DHX34: variants seen among roughly 807,000 people sequenced by gnomAD.
DHX34 encodes the protein probable ATP-dependent RNA helicase DHX34.
Under a neutral mutation model 111.1 loss-of-function variants are expected in DHX34, and 96 were observed. The ratio of observed to expected loss-of-function variants is 0.86; its 90% CI spans 0.73 to 1.02. DHX34 has a LOEUF of 1.02. Ranked by LOEUF, DHX34 falls within the 50% of genes least tolerant of loss-of-function variation. The pLI is 0.00. For missense variants in DHX34, 1,560 were observed against 1,579.9 expected (o/e 0.99, Z 0.21); for synonymous variants, 688 against 670.4 (o/e 1.03, Z -0.41).
At position 47,381,184 on chromosome 19, in the gene DHX34, A is replaced by C. The variant is rs763142143; in HGVS notation, c.3160-2A>C. ...CCAGCCCTGACAGCTGGCCTGCCACAGAATGACACAGACCTGTACAGCGAC... is the reference window on the plus strand; with the variant it reads ...CCAGCCCTGACAGCTGGCCTGCCACCGAATGACACAGACCTGTACAGCGAC... On this transcript the variant is annotated splice_acceptor_variant, in intron 15 of 16. Coordinates refer to ENST00000328771, the MANE Select transcript of DHX34 (RefSeq NM_014681.6). LOFTEE classifies it high-confidence loss of function. The C allele has an allele frequency of 1.9e-6, 3 of 1,612,876 alleles. No homozygotes were observed. In the African/African-American group the frequency reaches 4.0e-5, roughly 22 times the overall value.
intron 6 of DHX34, among the ~76,000 whole-genome samples, chr19:47,363,927 A>G (rs1969711053): frequency 6.6e-6 from 1 of 152,076 alleles, no homozygotes; most frequent in Non-Finnish European, 1.5e-5. Context: ...TTTTAAAACC[A>G]GGGTTTCTCA....
rs368013550 is a variant in DHX34 at position 47,355,077 on chromosome 19, G to A, written c.744G>A (p.Ala248=). Residue 248 remains alanine, a synonymous_variant, in exon 3 of 17, where the codon GCG becomes GCA. Coordinates refer to ENST00000328771, the MANE Select transcript of DHX34 (RefSeq NM_014681.6). ...TCCGCTTTGAGAGCACACGTTCGGC[G>A]GCCACCAAGATTGTATTCCTGACAG... ...YQIRFESTRS[A]ATKIVFLTVG... is the part of the protein sequence containing the mutation. 8 of 1,613,444 alleles carry A rather than the reference G, an allele frequency of 5.0e-6. No individual in the cohort carries two copies. Among genetic ancestry groups the A allele is most frequent in the African/African-American group, 2.7e-5 (2 of 74,724 alleles).
At chr19:47,381,624 CTA>C in intron 16 of DHX34, 1 of 581,236 alleles carries the variant, frequency 1.7e-6, no homozygotes, top group Non-Finnish European at 3.0e-6. Context: ...TGTCCTGCAG[CTA>C]TCTCTGCCTT....
Position 47,376,095 on chromosome 19 carries a change from CAGG to C in DHX34, c.2480_2481+1del, listed in dbSNP as rs767317869. On this transcript the variant is annotated splice_donor_variant and coding_sequence_variant, in exon 11 of 17. Transcript: ENST00000328771. LOFTEE classifies it high-confidence loss of function. ...CAACAGCAGCCGAAAGGACTCAGAC[CAGG>C]TGGGGCCTGTTCTGCCCCATCCTAT... 6.4e-7 allele frequency: 1 copy of C among 1,554,754 alleles called. No individual in the cohort carries two copies. The highest frequency in any genetic ancestry group is 2.1e-5 in the Admixed American group (1 of 48,192).
Position 47,375,957 on chromosome 19 carries a change from C to T in DHX34, c.2341C>T (p.Gln781Ter). 6.2e-7 allele frequency: 1 copy of T among 1,601,690 alleles called. No individual in the cohort carries two copies. Among genetic ancestry groups the T allele is most frequent in the East Asian group, 2.2e-5 (1 of 44,668 alleles). Reference sequence around the variant, plus strand: ...GTTCAAGCTTCGGCATGACCTGGCGCAGCTGCAGGCCGCTGCCAGCTCAGC... The same window carrying T: ...GTTCAAGCTTCGGCATGACCTGGCGTAGCTGCAGGCCGCTGCCAGCTCAGC... ...VKFKLRHDLA[Q>*]LQAAASSAQD... is the part of the protein sequence containing the mutation. Residue 781 changes from glutamine (Q) to a stop codon, truncating the protein, a stop_gained, in exon 11 of 17, where the codon CAG becomes TAG. Transcript: ENST00000328771. LOFTEE classifies it high-confidence loss of function.
At chr19:47,377,696 C>G (rs1270329382) in intron 13 of DHX34, among the ~76,000 whole-genome samples, 1 of 151,806 alleles carries the variant, frequency 6.6e-6, no homozygotes, top group Non-Finnish European at 1.5e-5. Flanking sequence ...GGCGTGCAGT[C>G]AGCAAGGGAG....
Position 47,358,014 on chromosome 19 carries a change from C to T in DHX34, c.1166C>T (p.Ala389Val), listed in dbSNP as rs746094820. The change falls in exon 4 of 17, where the codon GCG becomes GTG. Residue 389 changes from alanine (A) to valine (V), a missense_variant. By Grantham distance (64) the Ala-to-Val change is moderately conservative. Transcript: ENST00000328771. Reference sequence around the variant, plus strand: ...CTCCTCGTCTTCCTCAGCGGCATGGCGGAGATCAGCGCCGTGCTGGAGGCT... The same window carrying T: ...CTCCTCGTCTTCCTCAGCGGCATGGTGGAGATCAGCGCCGTGCTGGAGGCT... ...GDLLVFLSGMAEISAVLEAAQ... is the reference protein window; with the variant it reads ...GDLLVFLSGMVEISAVLEAAQ... 1.5e-5 allele frequency: 25 copies of T among 1,613,538 alleles called. No individual in the cohort carries two copies. Among genetic ancestry groups the T allele is most frequent in the African/African-American group, 5.3e-5 (4 of 74,954 alleles).
chr19:47,378,015 A>G (rs891154232), intron 13 of DHX34, among the ~76,000 whole-genome samples: 4 of 152,098 alleles, frequency 2.6e-5, no homozygotes, highest in Non-Finnish European at 4.4e-5. Context: ...ACTGAAGCTC[A>G]GGCAGGGGCG....
chr19:47,355,574 C>T (rs1032229962), intron 3 of DHX34, among the ~76,000 whole-genome samples: 11 of 152,098 alleles, frequency 7.2e-5, no homozygotes. Context: ...AATGGCTGGG[C>T]GCCGTGGCTC....
In DHX34 at chr19:47,368,298, CTTTTTTTT is replaced by C. The variant is rs71180827; in HGVS notation, c.1768+1161_1768+1168del. ...AGTCTCATCATTCATTCATTAAATC[CTTTTTTTT>C]TTTTTTTTTTTTTTTTTGAGACTGA... is the stretch of plus-strand genomic sequence containing the variant. On this transcript the variant is annotated intron_variant, in intron 7 of 16. Transcript: ENST00000328771. 2.0e-4 allele frequency among the ~76,000 whole-genome samples: 9 copies of C among 46,076 alleles called. No individual in the cohort carries two copies. In the South Asian group the frequency reaches 4.0e-3, roughly 20 times the overall value. 30.2% of individuals were successfully genotyped at this position (46,076 alleles called of 152,430 possible).
Position 47,362,609 on chromosome 19 carries a change from C to T in DHX34, c.1509C>T (p.Leu503=). The T allele has an allele frequency of 6.2e-7, 1 of 1,613,960 alleles. No individual in the cohort carries two copies. ...CGGGCCCCGGAGTCTGCTTCCGCCTCTATGCCGAATCGGACTATGATGCCT... is the reference window on the plus strand; with the variant it reads ...CGGGCCCCGGAGTCTGCTTCCGCCTTTATGCCGAATCGGACTATGATGCCT... ...GRTGPGVCFR[L]YAESDYDAFA... The change falls in exon 6 of 17, where the codon CTC becomes CTT. Residue 503 remains leucine, a synonymous_variant. Coordinates refer to ENST00000328771, the MANE Select transcript of DHX34 (RefSeq NM_014681.6).
chr19:47,366,705 C>T (rs1339131489), intron 6 of DHX34, among the ~76,000 whole-genome samples: 1 of 151,372 alleles, frequency 6.6e-6, no homozygotes, highest in African/African-American at 2.4e-5. Context: ...CTCAGCCTCC[C>T]GAGTAGCTGG....
intron 16 of DHX34, 69 bp from the exon 17 acceptor site, chr19:47,381,911 G>T: frequency 6.2e-7 from 1 of 1,602,196 alleles, no homozygotes; most frequent in Non-Finnish European, 8.5e-7. Flanking sequence ...CAGGTGCCTG[G>T]CATTTGGGTG....
At chr19:47,365,394 G>C (rs1969760739) in intron 6 of DHX34, among the ~76,000 whole-genome samples, 1 of 152,072 alleles carries the variant, frequency 6.6e-6, no homozygotes, top group Non-Finnish European at 1.5e-5. Flanking sequence ...TGGGACCACA[G>C]ATGGGTGCCA....
intron 5 of DHX34, 121 bp from the exon 6 acceptor site, chr19:47,362,355 A>C: frequency 7.6e-7 from 1 of 1,309,962 alleles, no homozygotes; most frequent in South Asian, 2.4e-5. Flanking sequence ...ATAAGCCCTC[A>C]GTTAGCATTA....
Position 47,377,200 on chromosome 19 carries a change from C to T in DHX34, c.2700C>T (p.Ala900=), listed in dbSNP as rs368774474. Residue 900 remains alanine, a synonymous_variant, in exon 13 of 17, where the codon GCC becomes GCT. Coordinates refer to ENST00000328771, the MANE Select transcript of DHX34 (RefSeq NM_014681.6). ...PYLVNCVRIP[A]LQSLLLFSRS... ...TGGTGAACTGCGTCCGCATCCCTGC[C>T]CTCCAGGTGGGCCTCTGCCCCACCC... 6.9e-5 allele frequency: 111 copies of T among 1,613,044 alleles called. No individual in the cohort carries two copies. Among genetic ancestry groups the T allele is most frequent in the African/African-American group, 9.3e-5 (7 of 74,912 alleles).
At chr19:47,360,140 T>C in intron 5 of DHX34, 70 bp downstream of exon 5, 1 of 1,474,398 alleles carries the variant, frequency 6.8e-7, no homozygotes, top group Non-Finnish European at 9.5e-7. Context: ...GAGGTGTGCG[T>C]GTGTGGCAGG....
chr19:47,370,866 G>T (rs1222620297), intron 7 of DHX34, among the ~76,000 whole-genome samples: 1 of 152,132 alleles, frequency 6.6e-6, no homozygotes, highest in Non-Finnish European at 1.5e-5. Context: ...TAGAAACAGG[G>T]TTTCACCACA....
intron 5 of DHX34, chr19:47,362,267 CAA>C (rs4039582): frequency 0.064 from 16,801 of 264,338 alleles, no homozygotes; most frequent in Non-Finnish European, 0.069. Flanking sequence ...GACCCTGTCT[CAA>C]AAAAAAAAAA....
Sources: allele counts gnomAD v4.1 joint callset (sites outside exome capture counted in the v4.1 genomes callset), GRCh38; gene constraint gnomAD v4.1.1; transcripts MANE v1.5; gene names NCBI Gene and HGNC (gene_info 2026-07-23, HGNC 2026-07-21).